The following VWA8 variants were observed in gnomAD, a reference collection of about 807,000 sequenced individuals.
VWA8 encodes the protein von Willebrand factor A domain containing 8.
VWA8 carries 221 observed loss-of-function variants against 241.5 expected under a neutral mutation model. The observed-to-expected ratio is 0.91, with a 90% CI of 0.82 to 1.02. The LOEUF is 1.02. VWA8 is among the 50% of genes least tolerant of loss of function. The pLI is 0.00. For synonymous variants in VWA8, 852 were observed against 827.1 expected (o/e 1.03, Z -0.52); for missense variants, 2,322 against 2,328.7 (o/e 1.00, Z 0.06).
At chr13:41,641,507 A>G (rs2044794844) in intron 37 of VWA8, among the ~76,000 whole-genome samples, 1 of 151,834 alleles carries the variant, frequency 6.6e-6, no homozygotes, top group Non-Finnish European at 1.5e-5. Context: ...AGGGTCATAC[A>G]TAGTATGTCT....
chr13:41,764,323 T>TCTCC (rs930612110), intron 20 of VWA8, among the ~76,000 whole-genome samples: 8 of 152,086 alleles, frequency 5.3e-5, no homozygotes, highest in African/African-American at 1.7e-4. Context: ...TCCAACATTT[T>TCTCC]CTCCCTCCCT....
chr13:41,809,957 CA>C (rs1441386117), intron 17 of VWA8, among the ~76,000 whole-genome samples: 1 of 151,900 alleles, frequency 6.6e-6, no homozygotes, highest in African/African-American at 2.4e-5. Flanking sequence ...AGAAATTTCT[CA>C]AAAGAAGAGA....
At chr13:41,630,142 T>C (rs534847983) in intron 37 of VWA8, among the ~76,000 whole-genome samples, 95 of 152,340 alleles carry the variant, frequency 6.2e-4, no homozygotes, top group African/African-American at 2.2e-3. Context: ...GCCTATTCCC[T>C]GGTCCTAAAG....
At chr13:41,654,592 G>A (rs188876286) in intron 37 of VWA8, among the ~76,000 whole-genome samples, 2 of 152,336 alleles carry the variant, frequency 1.3e-5, no homozygotes, top group East Asian at 3.9e-4. Flanking sequence ...ATCTACTGCT[G>A]CTGGCGAGCT....
At chr13:41,574,254 A>G (rs964305741) in intron 43 of VWA8, among the ~76,000 whole-genome samples, 2 of 152,140 alleles carry the variant, frequency 1.3e-5, no homozygotes, top group Admixed American at 1.3e-4. Flanking sequence ...ATATACTCAA[A>G]TCAGTAACAC....
intron 15 of VWA8, among the ~76,000 whole-genome samples, 180 bp downstream of exon 15, chr13:41,819,038 G>T (rs1870827715): frequency 6.6e-6 from 1 of 152,178 alleles, no homozygotes. Context: ...AAGTCCTCCA[G>T]ATGATGCTGA....
At chr13:41,876,142 A>G (rs1417417333) in intron 9 of VWA8, among the ~76,000 whole-genome samples, 1 of 152,106 alleles carries the variant, frequency 6.6e-6, no homozygotes, top group Non-Finnish European at 1.5e-5. Context: ...TCTCAACTGG[A>G]TTACTACAAC....
chr13:41,959,740 T>C (rs964335901), intron 1 of VWA8, among the ~76,000 whole-genome samples: 2 of 151,350 alleles, frequency 1.3e-5, no homozygotes, highest in Non-Finnish European at 2.9e-5. Flanking sequence ...TAGCTGGGAT[T>C]ACTGGCGCCC....
intron 26 of VWA8, among the ~76,000 whole-genome samples, chr13:41,706,183 T>G (rs2045281427): frequency 6.6e-6 from 1 of 152,210 alleles, no homozygotes. Context: ...TTACTGACAA[T>G]GCCAGGCATG....
intron 9 of VWA8, among the ~76,000 whole-genome samples, 194 bp from the exon 10 acceptor site, chr13:41,868,671 G>A (rs901602242): frequency 6.6e-6 from 1 of 151,918 alleles, no homozygotes; most frequent in Non-Finnish European, 1.5e-5. Context: ...GGATCAGAGG[G>A]TCAGGAGATC....
At position 41,685,081 on chromosome 13, in the gene VWA8, TG is replaced by T; in HGVS notation, c.4292del (p.Pro1431GlnfsTer6). 2.5e-6 allele frequency: 4 copies of T among 1,613,514 alleles called. No individual in the cohort carries two copies. The highest frequency in any genetic ancestry group is 3.4e-6 in the Non-Finnish European group (4 of 1,179,690). ...AGATATCTTTTAGAGGGACTTCTCC[TG>T]GGGGTAAAATCCTCACTACCTGATT... is the stretch of plus-strand genomic sequence containing the variant. ...DTNQVVRILP[P>X]GEVPLKDIYP... On this transcript the variant is annotated frameshift_variant, in exon 35 of 45. Transcript: ENST00000379310. LOFTEE classifies it high-confidence loss of function.
chr13:41,773,316 A>G (rs1431815816), intron 20 of VWA8, among the ~76,000 whole-genome samples: 1 of 152,222 alleles, frequency 6.6e-6, no homozygotes, highest in East Asian at 1.9e-4. Flanking sequence ...AGATGGAAAT[A>G]AGGGTGAAGG....
rs191094563 is a variant in VWA8 at position 41,699,935 on chromosome 13, G to A, written c.3365-665C>T. ...AATAAAACTGCAGACTCTGCTTCAG[G>A]AGGTTTGGGGTGGGGTTTCAGATTC... is the stretch of plus-strand genomic sequence containing the variant. On this transcript the variant is annotated intron_variant, in intron 28 of 44. Coordinates refer to ENST00000379310, the MANE Select transcript of VWA8 (RefSeq NM_015058.2). Among the ~76,000 whole-genome samples the A allele has an allele frequency of 9.4e-4, 143 of 152,224 alleles. 1 individual carries two copies. The highest frequency in any genetic ancestry group is 3.1e-4 in the Non-Finnish European group (21 of 68,012).
At chr13:41,684,637 C>T (rs1362566614) in intron 35 of VWA8, among the ~76,000 whole-genome samples, 2 of 152,112 alleles carry the variant, frequency 1.3e-5, no homozygotes, top group East Asian at 3.8e-4. Context: ...ATATTTTATG[C>T]AGTAATAAAT....
chr13:41,672,473 T>C (rs2045032667), intron 36 of VWA8, among the ~76,000 whole-genome samples: 1 of 152,288 alleles, frequency 6.6e-6, no homozygotes, highest in Admixed American at 6.5e-5. Context: ...CTATATGAAA[T>C]AAATAGTCTA....
In VWA8 at chr13:41,611,730, C is replaced by A. The variant is rs764403148; in HGVS notation, c.4723G>T (p.Gly1575Ter). The A allele has an allele frequency of 2.5e-6, 4 of 1,613,410 alleles. No homozygotes were observed. In the Admixed American group the frequency reaches 6.7e-5, roughly 27 times the overall value. ...CCACCCAGGCCTGCCGTGTCTCTTC[C>A]CCCTGGAAGGAAAACGTGGAAATTC... Reference protein sequence around the residue: ...GGNTWAGGTGGRDTAGLGGKG... With the variant: ...GGNTWAGGTG The change falls in exon 39 of 45, where the codon GGA becomes TGA. Residue 1575 changes from glycine (G) to a stop codon, truncating the protein, a stop_gained and splice_region_variant. Transcript: ENST00000379310. LOFTEE classifies it high-confidence loss of function.
intron 20 of VWA8, among the ~76,000 whole-genome samples, chr13:41,763,692 G>A (rs1448909618): frequency 2.0e-5 from 3 of 152,142 alleles, no homozygotes; most frequent in African/African-American, 7.2e-5. Flanking sequence ...AGCAATCCTA[G>A]GAAAAGCAGA....
intron 27 of VWA8, among the ~76,000 whole-genome samples, chr13:41,702,144 G>C (rs1269604250): frequency 6.6e-6 from 1 of 152,148 alleles, no homozygotes; most frequent in African/African-American, 2.4e-5. Flanking sequence ...AAGAATATTA[G>C]TTCTGGGTAC....
chr13:41,714,914 C>CA (rs1334710039), intron 26 of VWA8, among the ~76,000 whole-genome samples: 1 of 151,828 alleles, frequency 6.6e-6, no homozygotes, highest in Non-Finnish European at 1.5e-5. Context: ...CCTTTTAAGC[C>CA]AAAACTATTG....
Sources: gnomAD v4.1 joint callset for allele counts (sites outside exome capture counted in the v4.1 genomes callset) on GRCh38, gnomAD v4.1.1 for gene constraint, MANE v1.5 for transcripts, NCBI Gene and HGNC (gene_info 2026-07-23, HGNC 2026-07-21) for gene names.